The following ASIC2 variants were observed in gnomAD, a reference collection of about 807,000 sequenced individuals.
ASIC2 encodes acid-sensing ion channel 2.
A neutral mutation model predicts 57.3 loss-of-function variants in ASIC2; 25 were observed. That is an observed-to-expected ratio of 0.44 (90% CI 0.32 to 0.61). The LOEUF is 0.61. ASIC2 is among the 20% of genes least tolerant of loss of function. The pLI, the probability that ASIC2 is intolerant of heterozygous loss-of-function variation, is 0.06. For missense variants in ASIC2, 641 were observed against 738.1 expected, an observed-to-expected ratio of 0.87 and a Z score of 1.52; for synonymous variants, 319 against 307.5, an observed-to-expected ratio of 1.04 and a Z score of -0.39.
intron 1 of ASIC2, among the ~76,000 whole-genome samples, chr17:33,698,596 C>G (rs1435668907): frequency 1.3e-5 from 2 of 152,048 alleles, no homozygotes; most frequent in Non-Finnish European, 2.9e-5. Flanking sequence ...GTTTTGGTTC[C>G]CACTGCAAAA....
chr17:33,346,226 C>CAAA (rs57042563), intron 1 of ASIC2, among the ~76,000 whole-genome samples: 18 of 57,786 alleles, frequency 3.1e-4, no homozygotes, highest in African/African-American at 6.2e-4. Flanking sequence ...GATTCCCTCT[C>CAAA]AAAAAAAAAA....
intron 1 of ASIC2, among the ~76,000 whole-genome samples, chr17:33,174,977 C>T (rs550607576): frequency 5.3e-5 from 8 of 152,202 alleles, no homozygotes; most frequent in African/African-American, 9.6e-5. Flanking sequence ...TCTCTCCCTG[C>T]CCCCTACTCC....
chr17:33,228,589 CAAG>C (rs1249154423), intron 1 of ASIC2, among the ~76,000 whole-genome samples: 1 of 152,250 alleles, frequency 6.6e-6, no homozygotes, highest in Non-Finnish European at 1.5e-5. Flanking sequence ...ACCATCCCAA[CAAG>C]AAGTCAAGTC....
intron 1 of ASIC2, among the ~76,000 whole-genome samples, chr17:33,492,022 T>G (rs2141935138): frequency 6.6e-6 from 1 of 152,336 alleles, no homozygotes; most frequent in South Asian, 2.1e-4. Flanking sequence ...CCCTCTAATC[T>G]TCTCCCTGGC....
chr17:33,341,251 A>G (rs1011603156), intron 1 of ASIC2, among the ~76,000 whole-genome samples: 2 of 152,184 alleles, frequency 1.3e-5, no homozygotes, highest in African/African-American at 4.8e-5. Context: ...TGGAATCTGC[A>G]TGTTTAACAT....
intron 1 of ASIC2, among the ~76,000 whole-genome samples, chr17:33,588,049 C>T (rs2142003295): frequency 6.6e-6 from 1 of 152,338 alleles, no homozygotes; most frequent in Admixed American, 6.5e-5. Context: ...CAATTCTATT[C>T]CCCACCAGCC....
At chr17:33,480,733 C>T (rs1480352957) in intron 1 of ASIC2, among the ~76,000 whole-genome samples, 3 of 152,068 alleles carry the variant, frequency 2.0e-5, no homozygotes, top group African/African-American at 7.2e-5. Context: ...CCCACCCCAG[C>T]CATCCTCCCG....
At chr17:33,873,081 C>T (rs1428423774) in intron 1 of ASIC2, among the ~76,000 whole-genome samples, 2 of 152,170 alleles carry the variant, frequency 1.3e-5, no homozygotes, top group Non-Finnish European at 2.9e-5. Context: ...CTGTTGCCGG[C>T]CCATTCTCCT....
At chr17:33,556,834 C>A (rs1267973608) in intron 1 of ASIC2, among the ~76,000 whole-genome samples, 1 of 152,226 alleles carries the variant, frequency 6.6e-6, no homozygotes, top group East Asian at 1.9e-4. Flanking sequence ...AGCATATTTC[C>A]ATTTCCCATA....
At chr17:33,241,597 C>T (rs1908509498) in intron 1 of ASIC2, among the ~76,000 whole-genome samples, 1 of 152,188 alleles carries the variant, frequency 6.6e-6, no homozygotes, top group African/African-American at 2.4e-5. Flanking sequence ...CCCATTTTAT[C>T]TTTTCTTGTT....
chr17:33,674,020 A>G (rs1237904174), intron 1 of ASIC2, among the ~76,000 whole-genome samples: 3 of 151,646 alleles, frequency 2.0e-5, no homozygotes, highest in African/African-American at 7.3e-5. Context: ...CAGCCTCCTG[A>G]GTAGCTGGGG....
intron 1 of ASIC2, among the ~76,000 whole-genome samples, chr17:33,574,170 A>G (rs781556967): frequency 5.3e-5 from 8 of 152,232 alleles, no homozygotes; most frequent in African/African-American, 1.4e-4. Flanking sequence ...CTGCATTAGC[A>G]TAAGAGTTAC....
intron 1 of ASIC2, among the ~76,000 whole-genome samples, chr17:33,425,379 GTC>G (rs753832887): frequency 1.3e-5 from 2 of 152,240 alleles, no homozygotes; most frequent in Non-Finnish European, 2.9e-5. Flanking sequence ...GTGGCATATA[GTC>G]TCTGTAGAGT....
intron 1 of ASIC2, among the ~76,000 whole-genome samples, chr17:33,747,160 A>G (rs1910292607): frequency 6.7e-6 from 1 of 150,368 alleles, no homozygotes; most frequent in African/African-American, 2.4e-5. Context: ...AAGTTCTACT[A>G]TGATGAACTC....
intron 1 of ASIC2, among the ~76,000 whole-genome samples, chr17:33,714,085 G>A (rs1467592602): frequency 2.0e-5 from 3 of 152,136 alleles, no homozygotes; most frequent in Admixed American, 6.5e-5. Flanking sequence ...AAAATTTCTG[G>A]ATGGGTGCAT....
intron 1 of ASIC2, among the ~76,000 whole-genome samples, chr17:33,140,887 C>T (rs1567760009): frequency 1.3e-5 from 2 of 152,256 alleles, no homozygotes; most frequent in Admixed American, 1.3e-4. Flanking sequence ...GGGCACATTC[C>T]ATCCGGGCCA....
intron 1 of ASIC2, among the ~76,000 whole-genome samples, chr17:33,201,921 A>G (rs1906879571): frequency 6.7e-6 from 1 of 149,202 alleles, no homozygotes; most frequent in Non-Finnish European, 1.5e-5. Context: ...GGTCCCACCT[A>G]CTCAGGAGTC....
chr17:34,069,433 T>C (rs1909315162), intron 1 of ASIC2: 1 of 149,508 alleles, frequency 6.7e-6, no homozygotes, highest in Non-Finnish European at 1.5e-5. Context: ...TTTCTTCATT[T>C]CTTTCTTTTT....
chr17:33,572,427 G>A (rs1480859259), intron 1 of ASIC2: 1 of 152,244 alleles, frequency 6.6e-6, no homozygotes, highest in African/African-American at 2.4e-5. Flanking sequence ...ATGCTTCCAT[G>A]TGAGGCCGGG....
Sources: gnomAD v4.1 joint callset for allele counts (sites outside exome capture counted in the v4.1 genomes callset) on GRCh38, gnomAD v4.1.1 for gene constraint, MANE v1.5 for transcripts, NCBI Gene and HGNC (gene_info 2026-07-23, HGNC 2026-07-21) for gene names.